The following RSPH3 variants were observed in gnomAD, a reference collection of about 807,000 sequenced individuals.
RSPH3 encodes radial spoke head 3.
RSPH3 carries 21 observed loss-of-function variants against 43.8 expected under a neutral mutation model. That is an observed-to-expected ratio of 0.48 (90% CI 0.34 to 0.69). RSPH3 has a LOEUF of 0.69. RSPH3 is among the 30% of genes least tolerant of loss of function. RSPH3 has a pLI of 0.01. For synonymous variants in RSPH3, 173 were observed against 179.8 expected, an observed-to-expected ratio of 0.96 and a Z score of 0.30; for missense variants, 487 against 516.0, an observed-to-expected ratio of 0.94 and a Z score of 0.54.
intron 1 of RSPH3, among the ~76,000 whole-genome samples, chr6:158,995,010 GT>G (rs2128610793): frequency 6.6e-6 from 1 of 152,188 alleles, no homozygotes; most frequent in African/African-American, 2.4e-5. Flanking sequence ...TCTTCTGATT[GT>G]TTTTCTACTA....
At chr6:158,969,922 A>G (rs1197746939), downstream of RSPH3, among the ~76,000 whole-genome samples, 2 of 152,114 alleles carry the variant, frequency 1.3e-5, no homozygotes, top group East Asian at 3.8e-4. Context: ...ACTTACTTTA[A>G]TTCTTTAGAC....
intron 1 of RSPH3, among the ~76,000 whole-genome samples, chr6:158,994,233 C>T (rs891063543): frequency 2.0e-5 from 3 of 152,022 alleles, no homozygotes; most frequent in African/African-American, 7.3e-5. Flanking sequence ...TAGTAAGTGG[C>T]AGGACTAGAT....
intron 2 of RSPH3, among the ~76,000 whole-genome samples, chr6:158,990,268 TAGA>T (rs1778364133): frequency 6.6e-6 from 1 of 152,192 alleles, no homozygotes; most frequent in Non-Finnish European, 1.5e-5. Flanking sequence ...CCAGGCAGAC[TAGA>T]AGGAGAGATA....
At chr6:158,992,171 T>C (rs1778432879) in intron 2 of RSPH3, among the ~76,000 whole-genome samples, 1 of 152,022 alleles carries the variant, frequency 6.6e-6, no homozygotes, top group African/African-American at 2.4e-5. Flanking sequence ...TGAATGCTAT[T>C]ATTCATCTTT....
downstream of RSPH3, among the ~76,000 whole-genome samples, chr6:158,969,948 T>C (rs1777676157): frequency 6.6e-6 from 1 of 152,198 alleles, no homozygotes; most frequent in Non-Finnish European, 1.5e-5. Flanking sequence ...TTTCTTTAGT[T>C]CTTTGAATAT....
Position 158,982,653 on chromosome 6 carries a change from T to C in RSPH3, c.528A>G (p.Leu176=), listed in dbSNP as rs767906923. ...CAATTGTCTTCCCCACCAAAACTTC[T>C]AACACTGGTTTAACTTCAAGATCAA... The part of the protein sequence containing the change: ...FDFDLEVKPV[L]EVLVGKTIEQ... The change falls in exon 5 of 8, where the codon TTA becomes TTG. Residue 176 remains leucine, a synonymous_variant. Transcript: ENST00000367069. 7 of 1,613,902 alleles carry C rather than the reference T, an allele frequency of 4.3e-6. No individual in the cohort carries two copies. Among genetic ancestry groups the C allele is most frequent in the Non-Finnish European group, 5.9e-6 (7 of 1,179,880 alleles).
chr6:158,967,540 T>C, the RSPH3 span, among the ~76,000 whole-genome samples: 4 of 152,238 alleles, frequency 2.6e-5, no homozygotes, highest in Non-Finnish European at 5.9e-5. Flanking sequence ...GAATGTTCCA[T>C]GTGCACTTGA....
chr6:159,000,108 C>T lies in RSPH3; in HGVS notation c.-558G>A. 1.0e-6 allele frequency: 1 copy of T among 966,316 alleles called. No individual in the cohort carries two copies. Among genetic ancestry groups the T allele is most frequent in the South Asian group, 1.8e-5 (1 of 54,836 alleles). 59.9% of individuals were successfully genotyped at this position (966,316 alleles called of 1,614,324 possible). A position where few individuals can be genotyped will look rare whatever the true frequency, so the allele number is the denominator to read the frequency against. ...TTCCAGGGTGTCCTCGGCTGTTTCT[C>T]CTGCCGCGGCGCAGCAGCGCTCCCA... On this transcript the variant is annotated 5_prime_UTR_variant, in exon 1 of 8. Transcript: ENST00000367069.
intron 6 of RSPH3, 45 bp downstream of exon 6, chr6:158,980,729 G>C (rs201446618): frequency 1.4e-6 from 2 of 1,453,018 alleles, no homozygotes; most frequent in African/African-American, 2.8e-5. Context: ...CCATTAAGAG[G>C]ATGCTTATTA....
At chr6:158,993,160 C>G (rs1177527040) in intron 2 of RSPH3, among the ~76,000 whole-genome samples, 2 of 152,040 alleles carry the variant, frequency 1.3e-5, no homozygotes, top group Non-Finnish European at 2.9e-5. Flanking sequence ...ACTCTGTCGC[C>G]AGACTGGAGT....
chr6:158,971,149 T>C (rs1258134569), downstream of RSPH3, among the ~76,000 whole-genome samples: 1 of 152,342 alleles, frequency 6.6e-6, no homozygotes, highest in Non-Finnish European at 1.5e-5. Context: ...CAAGCCTTTC[T>C]GCTCCTTTCA....
chr6:158,979,677 A>C (rs1777966000), intron 6 of RSPH3, among the ~76,000 whole-genome samples: 1 of 152,156 alleles, frequency 6.6e-6, no homozygotes, highest in Non-Finnish European at 1.5e-5. Flanking sequence ...CTGTGATCTG[A>C]CCTCTTTGTA....
At chr6:158,983,170 T>C (rs1231833689) in intron 4 of RSPH3, among the ~76,000 whole-genome samples, 2 of 152,212 alleles carry the variant, frequency 1.3e-5, no homozygotes, top group African/African-American at 4.8e-5. Context: ...TAGGTCATTA[T>C]GAACATAATC....
At chr6:158,971,411 G>C (rs1209227758), downstream of RSPH3, among the ~76,000 whole-genome samples, 1 of 152,174 alleles carries the variant, frequency 6.6e-6, no homozygotes, top group East Asian at 1.9e-4. Context: ...GATTTTCAGA[G>C]ATCCTTATTC....
chr6:158,981,632 T>C (rs1778033330), intron 5 of RSPH3, among the ~76,000 whole-genome samples: 1 of 152,208 alleles, frequency 6.6e-6, no homozygotes, highest in Non-Finnish European at 1.5e-5. Context: ...TTTATATCTA[T>C]AAATTTGCAC....
At position 159,000,065 on chromosome 6, in the gene RSPH3, G is replaced by A. The variant is rs551558237; in HGVS notation, c.-515C>T. The A allele has an allele frequency of 2.3e-6, 3 of 1,325,830 alleles. No individual in the cohort carries two copies. The highest frequency in any genetic ancestry group is 1.5e-5 in the African/African-American group (1 of 67,730). 82.1% of individuals were successfully genotyped at this position (1,325,830 alleles called of 1,614,324 possible). On this transcript the variant is annotated 5_prime_UTR_variant, in exon 1 of 8. Transcript: ENST00000367069. Reference sequence around the variant, plus strand: ...GCTGGTGTTGGCGCCATTCTCGCAGGCCCACGTGCTCCTGCTCTTCCAGGG... The same window carrying A: ...GCTGGTGTTGGCGCCATTCTCGCAGACCCACGTGCTCCTGCTCTTCCAGGG...
intron 1 of RSPH3, 109 bp downstream of exon 1, chr6:158,999,326 C>T: frequency 9.7e-7 from 1 of 1,027,356 alleles, no homozygotes; most frequent in Non-Finnish European, 1.4e-6. Context: ...CAGAGTGCAG[C>T]CAAGGGAAGA....
chr6:158,986,496 C>T, intron 2 of RSPH3, 75 bp from the exon 3 acceptor site: 2 of 1,252,192 alleles, frequency 1.6e-6, no homozygotes, highest in Middle Eastern at 2.6e-4. Flanking sequence ...ATTCCAAAAG[C>T]AATTCCTGAG....
chr6:158,984,622 A>T (rs1191622638), intron 3 of RSPH3, among the ~76,000 whole-genome samples: 1 of 151,540 alleles, frequency 6.6e-6, no homozygotes, highest in Non-Finnish European at 1.5e-5. Context: ...TGTTAGGAGT[A>T]ATTTATATGA....
Sources: gnomAD v4.1 joint callset for allele counts (sites outside exome capture counted in the v4.1 genomes callset) on GRCh38, gnomAD v4.1.1 for gene constraint, MANE v1.5 for transcripts, NCBI Gene and HGNC (gene_info 2026-07-23, HGNC 2026-07-21) for gene names.